The following TRPM3 variants were observed in gnomAD, a reference collection of about 807,000 sequenced individuals.
TRPM3 encodes transient receptor potential cation channel subfamily M member 3.
Under a neutral mutation model 181.2 loss-of-function variants are expected in TRPM3, and 77 were observed. The observed-to-expected ratio is 0.42, with a 90% CI of 0.35 to 0.51. TRPM3 has a LOEUF of 0.51. TRPM3 is among the 20% of genes least tolerant of loss of function. The pLI, the probability that TRPM3 is intolerant of heterozygous loss-of-function variation, is 0.01. For synonymous variants in TRPM3, 745 were observed against 796.4 expected (o/e 0.94, Z 1.09); for missense variants, 1,759 against 2,196.7 (o/e 0.80, Z 3.98).
chr9:70,810,028 C>A, intron 6 of TRPM3: 2 of 534,702 alleles, frequency 3.7e-6, no homozygotes, highest in South Asian at 2.8e-5. Context: ...TTCATATATT[C>A]TCAGGCATAG....
At chr9:70,700,163 A>G (rs1268032558) in intron 8 of TRPM3, among the ~76,000 whole-genome samples, 1 of 152,064 alleles carries the variant, frequency 6.6e-6, no homozygotes, top group Non-Finnish European at 1.5e-5. Context: ...TTGTATTTTT[A>G]GTAGAGAAGG....
intron 8 of TRPM3, among the ~76,000 whole-genome samples, chr9:70,756,039 G>A (rs968166540): frequency 9.2e-5 from 14 of 151,746 alleles, no homozygotes; most frequent in Admixed American, 3.9e-4. Context: ...GAGACTCATC[G>A]GTATGCTGTA....
chr9:71,258,807 G>T (rs2082842122), intron 1 of TRPM3, among the ~76,000 whole-genome samples: 1 of 152,082 alleles, frequency 6.6e-6, no homozygotes, highest in Non-Finnish European at 1.5e-5. Context: ...TATCTTGAAA[G>T]TTGCCCTCTT....
intron 9 of TRPM3, among the ~76,000 whole-genome samples, chr9:70,642,644 A>C (rs992188871): frequency 6.6e-5 from 10 of 152,182 alleles, no homozygotes; most frequent in Non-Finnish European, 1.0e-4. Context: ...TGTGCAGCCA[A>C]TGTCCAGAGG....
intron 1 of TRPM3, among the ~76,000 whole-genome samples, chr9:71,065,546 G>C (rs1478940865): frequency 6.6e-6 from 1 of 152,004 alleles, no homozygotes; most frequent in Non-Finnish European, 1.5e-5. Flanking sequence ...CTAAACAATG[G>C]GGCCAAAATG....
chr9:71,126,456 A>G (rs1157514669), upstream of TRPM3, among the ~76,000 whole-genome samples: 2 of 152,224 alleles, frequency 1.3e-5, no homozygotes, highest in East Asian at 3.8e-4. Flanking sequence ...ATAGAGCTAT[A>G]ACATTTTTAG....
rs1411205829 is a variant in TRPM3 at position 70,997,605 on chromosome 9, G to A, written c.177+123573C>T. Among the ~76,000 whole-genome samples the A allele has an allele frequency of 2.6e-5, 4 of 152,210 alleles. No individual in the cohort carries two copies. The East Asian group carries it at 5.8e-4, about 22-fold the overall frequency. The stretch of plus-strand genomic sequence containing the variant: ...TTTGTTTTCATTCTAGCAAATCAGA[G>A]TAGAGGAATACCTAAACTGTGCTCC... On this transcript the variant is annotated intron_variant, in intron 1 of 25. Transcript: ENST00000677713.
At chr9:70,657,920 T>C (rs1316783236) in intron 9 of TRPM3, among the ~76,000 whole-genome samples, 1 of 152,074 alleles carries the variant, frequency 6.6e-6, no homozygotes, top group Non-Finnish European at 1.5e-5. Flanking sequence ...AGGGCCAATT[T>C]TGAGAGAGAA....
At chr9:70,647,360 T>C (rs1052925048) in intron 9 of TRPM3, among the ~76,000 whole-genome samples, 5 of 152,228 alleles carry the variant, frequency 3.3e-5, no homozygotes, top group South Asian at 2.1e-4. Context: ...AGTAGGCTTC[T>C]TTCCTGGGAT....
At chr9:71,394,176 AG>A (rs2093133827) in intron 1 of TRPM3, among the ~76,000 whole-genome samples, 1 of 152,236 alleles carries the variant, frequency 6.6e-6, no homozygotes, top group Non-Finnish European at 1.5e-5. Flanking sequence ...TGATAAATGA[AG>A]AATACAGTAC....
chr9:70,639,332 A>G, intron 10 of TRPM3, 138 bp from the exon 11 acceptor site: 2 of 913,612 alleles, frequency 2.2e-6, no homozygotes, highest in South Asian at 1.9e-5. Flanking sequence ...CATGCTAGCA[A>G]GACTGTTCAC....
At chr9:70,869,103 GAA>G (rs1301284493) in intron 1 of TRPM3, 5 of 959,408 alleles carry the variant, frequency 5.2e-6, no homozygotes, top group African/African-American at 1.8e-5. Flanking sequence ...CCGCCCACTG[GAA>G]AAAAAAAGTC....
intron 6 of TRPM3, among the ~76,000 whole-genome samples, chr9:70,795,461 A>G (rs919463363): frequency 1.3e-5 from 2 of 152,252 alleles, no homozygotes; most frequent in African/African-American, 4.8e-5. Context: ...AAACTGAAAG[A>G]AGGCTCTGGC....
At position 71,187,628 on chromosome 9, in the gene TRPM3, A is replaced by G. The variant is rs574167698; in HGVS notation, c.183+259025T>C. Among the ~76,000 whole-genome samples, 5 of 152,034 alleles carry G rather than the reference A, an allele frequency of 3.3e-5. No homozygotes were observed. In the South Asian group the frequency reaches 1.0e-3, roughly 32 times the overall value. On this transcript the variant is annotated intron_variant, in intron 1 of 24. Coordinates refer to the TRPM3 transcript ENST00000357533. ...ACAGATTTATTTTAACCAAAGGTTTATTTTTATTTAAAAACTATACACTCT... is the reference window on the plus strand; with the variant it reads ...ACAGATTTATTTTAACCAAAGGTTTGTTTTTATTTAAAAACTATACACTCT...
chr9:71,326,415 C>T (rs2089684513), intron 1 of TRPM3, among the ~76,000 whole-genome samples: 1 of 152,150 alleles, frequency 6.6e-6, no homozygotes, highest in African/African-American at 2.4e-5. Flanking sequence ...TATATGCATG[C>T]ATGTATGTTT....
At chr9:71,445,606 C>T (rs1009731977) in intron 1 of TRPM3, among the ~76,000 whole-genome samples, 1 of 152,192 alleles carries the variant, frequency 6.6e-6, no homozygotes, top group South Asian at 2.1e-4. Context: ...AATGTTTAAA[C>T]ATCTTACTTT....
rs535811967 is a variant in TRPM3, at chr9:70,555,376, T to C, written c.3224-2066A>G. The stretch of plus-strand genomic sequence containing the variant: ...ACACTGTGTCACCATTGCCAGTTTA[T>C]TCGTCTGTATTCCACACAAGATTCC... On this transcript the variant is annotated intron_variant, in intron 22 of 25. Coordinates refer to ENST00000677713, the MANE Select transcript of TRPM3 (RefSeq NM_001366145.2). Among the ~76,000 whole-genome samples the C allele has an allele frequency of 9.0e-4, 137 of 152,326 alleles. 1 individual carries two copies. The highest frequency in any genetic ancestry group is 1.7e-3 in the South Asian group (8 of 4,828).
At chr9:70,896,283 G>T (rs2096277585) in intron 1 of TRPM3, among the ~76,000 whole-genome samples, 2 of 152,136 alleles carry the variant, frequency 1.3e-5, no homozygotes, top group African/African-American at 4.8e-5. Flanking sequence ...ATCTGCCTGT[G>T]CTCCCTTTCT....
intron 1 of TRPM3, among the ~76,000 whole-genome samples, chr9:70,980,506 T>C (rs558294739): frequency 2.0e-5 from 3 of 152,320 alleles, no homozygotes; most frequent in African/African-American, 7.2e-5. Flanking sequence ...TGTCTGTGTG[T>C]AGGTGTTCAT....
Sources: allele counts gnomAD v4.1 joint callset (sites outside exome capture counted in the v4.1 genomes callset), GRCh38; gene constraint gnomAD v4.1.1; transcripts MANE v1.5; gene names NCBI Gene and HGNC (gene_info 2026-07-23, HGNC 2026-07-21).